Variants in GPR35 observed in about 807,000 individuals in gnomAD.
GPR35 encodes the protein G protein-coupled receptor 35.
For synonymous variants in GPR35, 207 were observed against 198.4 expected (o/e 1.04, Z -0.36); for missense variants, 372 against 422.5 (o/e 0.88, Z 1.05).
At chr2:240,625,870 T>C (rs1354490760) in intron 1 of GPR35, among the ~76,000 whole-genome samples, 24 of 24,580 alleles carry the variant, frequency 9.8e-4, no homozygotes, top group Middle Eastern at 0.025. Context: ...TGTCTCAGAG[T>C]GGGGTGAGGC....
chr2:240,616,829 C>G (rs945198756), intron 3 of GPR35: 23 of 687,254 alleles, frequency 3.3e-5, no homozygotes, highest in Non-Finnish European at 5.5e-5. Flanking sequence ...GATGCATACT[C>G]TCTCTCGCTG....
In GPR35 at chr2:240,633,136, T is replaced by C. The variant is rs901150093; in HGVS notation, c.*2254T>C. ...CTAGCCATGCTGAAGTGTGAGTCAA[T>C]TAAACCTCTTTCCTTTAAAATTACC... On this transcript the variant is annotated 3_prime_UTR_variant, in exon 2 of 2. Transcript: ENST00000407714. Among the ~76,000 whole-genome samples the C allele has an allele frequency of 6.6e-6, 1 of 152,222 alleles. No homozygotes were observed. Among genetic ancestry groups the C allele is most frequent in the Non-Finnish European group, 1.5e-5 (1 of 68,050 alleles).
Position 240,630,058 on chromosome 2 carries a change from C to T in GPR35, c.106C>T (p.Leu36=), listed in dbSNP as rs2043421526. 2 of 1,612,192 alleles carry T rather than the reference C, an allele frequency of 1.2e-6. No individual in the cohort carries two copies. Among genetic ancestry groups the T allele is most frequent in the South Asian group, 2.2e-5 (2 of 91,090 alleles). The stretch of plus-strand genomic sequence containing the variant: ...GGGCGTCCTGCTGGTGCTAGGCCTG[C>T]TGCTCAACAGCCTGGCGCTCTGGGT... ...YLGVLLVLGL[L]LNSLALWVFC... The change falls in exon 2 of 2, where the codon CTG becomes TTG. Residue 36 remains leucine (L), a synonymous_variant. Transcript: ENST00000407714.
intron 1 of GPR35, among the ~76,000 whole-genome samples, chr2:240,626,417 G>A (rs535112657): frequency 2.7e-5 from 4 of 150,550 alleles, no homozygotes; most frequent in African/African-American, 9.8e-5. Context: ...GCTGTGATGG[G>A]GTCTCAGAGT....
intron 2 of GPR35, among the ~76,000 whole-genome samples, chr2:240,611,973 G>C (rs1201626894): frequency 6.6e-6 from 1 of 152,096 alleles, no homozygotes; most frequent in East Asian, 1.9e-4. Context: ...CAGCGAAGGA[G>C]CAAAACAAGG....
intron 3 of GPR35, chr2:240,616,990 T>C (rs777353784): frequency 2.6e-6 from 2 of 769,108 alleles, no homozygotes; most frequent in South Asian, 1.4e-5. Context: ...CTGGGGGAGC[T>C]GGAAGTGAAT....
At chr2:240,622,157 G>A (rs1488333224), upstream of GPR35, among the ~76,000 whole-genome samples, 1 of 152,190 alleles carries the variant, frequency 6.6e-6, no homozygotes, top group East Asian at 1.9e-4. Context: ...TGGGATTAGA[G>A]GCCTGAGCCA....
At chr2:240,612,560 C>G (rs1247352664) in intron 2 of GPR35, among the ~76,000 whole-genome samples, 1 of 152,136 alleles carries the variant, frequency 6.6e-6, no homozygotes, top group Non-Finnish European at 1.5e-5. Context: ...GCTCTCACCT[C>G]CTCAGTGAGA....
chr2:240,616,365 C>T (rs2043237027), intron 2 of GPR35: 1 of 750,656 alleles, frequency 1.3e-6, no homozygotes, highest in Non-Finnish European at 2.5e-6. Context: ...GCTTCCTCCT[C>T]CGTCTCTCTA....
Position 240,630,761 on chromosome 2 carries a change from G to T in GPR35, c.809G>T (p.Cys270Phe). 6.2e-7 allele frequency: 1 copy of T among 1,613,552 alleles called. No individual in the cohort carries two copies. The highest frequency in any genetic ancestry group is 2.2e-5 in the East Asian group (1 of 44,876). Residue 270 changes from cysteine to phenylalanine, a missense_variant, in exon 2 of 2, where the codon TGC becomes TTC. Coordinates refer to ENST00000407714, the MANE Select transcript of GPR35 (RefSeq NM_005301.5). ...ITSKLSDANC[C>F]LDAICYYYMA... ...AGCAAGCTCTCAGATGCCAACTGCT[G>T]CCTGGACGCCATCTGCTACTACTAC... is the stretch of plus-strand genomic sequence containing the variant.
rs777353784 is a variant in GPR35 at position 240,616,990 on chromosome 2, T to G, written c.-452-100T>G. The stretch of plus-strand genomic sequence containing the variant: ...TCTACCAACAGCCACCTGGGGGAGC[T>G]GGAAGTGAATCTCATCTTAGCTGAG... On this transcript the variant is annotated intron_variant, in intron 3 of 5. Transcript: ENST00000319838. The G allele has an allele frequency of 9.1e-6, 7 of 768,990 alleles. No homozygotes were observed. In the Admixed American group the frequency reaches 1.2e-4, roughly 13 times the overall value. 47.6% of individuals were successfully genotyped at this position (768,990 alleles called of 1,614,324 possible). A position where few individuals can be genotyped will look rare whatever the true frequency, so the allele number is the denominator to read the frequency against.
intron 2 of GPR35, among the ~76,000 whole-genome samples, chr2:240,610,221 G>A (rs965344240): frequency 6.6e-6 from 1 of 152,040 alleles, no homozygotes; most frequent in East Asian, 1.9e-4. Flanking sequence ...GCCTCCCAAA[G>A]TGCTGGGATT....
chr2:240,615,118 TG>T (rs1165494881), intron 2 of GPR35, among the ~76,000 whole-genome samples: 1 of 150,044 alleles, frequency 6.7e-6, no homozygotes, highest in African/African-American at 2.4e-5. Flanking sequence ...TGCCTGTGCT[TG>T]TGTGTGTGTG....
At chr2:240,613,448 G>C (rs911531845) in intron 2 of GPR35, among the ~76,000 whole-genome samples, 2 of 152,112 alleles carry the variant, frequency 1.3e-5, no homozygotes, top group African/African-American at 4.8e-5. Flanking sequence ...CATAAGTCAT[G>C]TGGACCCCAA....
chr2:240,626,460 G>C (rs905262772), intron 1 of GPR35, among the ~76,000 whole-genome samples: 1 of 151,924 alleles, frequency 6.6e-6, no homozygotes. Flanking sequence ...TCTCAGTGAG[G>C]TGAGGCTGTG....
At chr2:240,619,401 C>T (rs1344017021) in intron 5 of GPR35, among the ~76,000 whole-genome samples, 6 of 152,212 alleles carry the variant, frequency 3.9e-5, no homozygotes, top group Admixed American at 2.6e-4. Context: ...TGCCTGGCTC[C>T]GGAGGAAGTG....
Position 240,626,590 on chromosome 2 carries a change from A to G in GPR35, c.-5+1022A>G, listed in dbSNP as rs550568581. ...GTGTGGGATGTGACATTTAAAAACAAGAATGAAGAATACCCCGTGCTGTGG... is the reference window on the plus strand; with the variant it reads ...GTGTGGGATGTGACATTTAAAAACAGGAATGAAGAATACCCCGTGCTGTGG... On this transcript the variant is annotated intron_variant, in intron 1 of 1. Coordinates refer to ENST00000407714, the MANE Select transcript of GPR35 (RefSeq NM_005301.5). 2.5e-3 allele frequency among the ~76,000 whole-genome samples: 382 copies of G among 152,224 alleles called. 2 individuals carry two copies. Among genetic ancestry groups the G allele is most frequent in the Admixed American group, 4.2e-3 (65 of 15,302 alleles).
exon 4 of GPR35, chr2:240,617,235 G>A (rs1400576800): frequency 2.3e-5 from 15 of 640,378 alleles, no homozygotes; most frequent in South Asian, 1.5e-4. Flanking sequence ...GAATCTCCTC[G>A]TAGCTGAGCC....
Position 240,630,972 on chromosome 2 carries a change from C to T in GPR35, c.*90C>T, listed in dbSNP as rs554370200. The T allele has an allele frequency of 3.3e-5, 38 of 1,135,776 alleles. No individual in the cohort carries two copies. In the Admixed American group the frequency reaches 4.8e-4, roughly 14 times the overall value. The allele number at this position is 1,135,776 out of a possible 1,614,324, so 70.4% of individuals were successfully genotyped here. A position where few individuals can be genotyped will look rare whatever the true frequency, so the allele number is the denominator to read the frequency against. On this transcript the variant is annotated 3_prime_UTR_variant, in exon 2 of 2. Transcript: ENST00000407714. The stretch of plus-strand genomic sequence containing the variant: ...AAGCTGGAACCAGTAGCAAGGAGCC[C>T]GAGATCAGCCCTGAACTCACTGTGT...
Sources: gnomAD v4.1 joint callset for allele counts (sites outside exome capture counted in the v4.1 genomes callset) on GRCh38, gnomAD v4.1.1 for gene constraint, MANE v1.5 for transcripts, NCBI Gene and HGNC (gene_info 2026-07-23, HGNC 2026-07-21) for gene names.